Variants in KATNIP observed in about 807,000 individuals in gnomAD.
The protein encoded by KATNIP is katanin-interacting protein.
In KATNIP, 126 loss-of-function variants were observed where a neutral mutation model predicts 174.0. That is an observed-to-expected ratio of 0.72 (90% CI 0.63 to 0.84). The LOEUF (loss-of-function observed/expected upper bound fraction) is 0.84. Among genes scored for constraint, KATNIP ranks in the 40% least tolerant of loss-of-function variants. KATNIP has a pLI of 0.00. For missense variants in KATNIP, 1,958 were observed against 2,109.7 expected (o/e 0.93, Z 1.41); for synonymous variants, 810 against 835.7 (o/e 0.97, Z 0.53).
At chr16:27,726,319 G>A (rs1350661505) in intron 14 of KATNIP, among the ~76,000 whole-genome samples, 1 of 152,170 alleles carries the variant, frequency 6.6e-6, no homozygotes, top group African/African-American at 2.4e-5. Context: ...GGGACCGCTG[G>A]TGTAGGCCAC....
At chr16:27,677,686 G>A in intron 6 of KATNIP, 43 bp from the exon 7 acceptor site, 1 of 1,548,832 alleles carries the variant, frequency 6.5e-7, no homozygotes, top group Non-Finnish European at 8.7e-7. Flanking sequence ...TTTTTCTCAA[G>A]GTACCATATT....
chr16:27,621,431 T>C (rs1034226283), intron 3 of KATNIP, among the ~76,000 whole-genome samples: 7 of 152,148 alleles, frequency 4.6e-5, no homozygotes, highest in African/African-American at 1.2e-4. Context: ...GGTACTTCAC[T>C]TGCAGTGGCC....
At chr16:27,749,168 A>G (rs1172143837) in intron 15 of KATNIP, among the ~76,000 whole-genome samples, 1 of 152,244 alleles carries the variant, frequency 6.6e-6, no homozygotes, top group Non-Finnish European at 1.5e-5. Context: ...TAACACAGCC[A>G]AGTAGTCTTC....
chr16:27,776,145 T>C lies in KATNIP; in HGVS notation c.4450-783T>C, dbSNP rs1296562513. On this transcript the variant is annotated intron_variant, in intron 24 of 27. Coordinates refer to ENST00000261588, the MANE Select transcript of KATNIP (RefSeq NM_015202.5). The surrounding 1 kb of genome is among the most constrained non-coding windows in gnomAD (Gnocchi z 4.7). The stretch of plus-strand genomic sequence containing the variant: ...TTGGAGACCCTCACCCTGACCTTTA[T>C]TGTTTCCATGGTCCAGCCAGGAGGC... 6.6e-6 allele frequency among the ~76,000 whole-genome samples: 1 copy of C among 152,122 alleles called. No individual in the cohort carries two copies. The highest frequency in any genetic ancestry group is 6.5e-5 in the Admixed American group (1 of 15,278).
At chr16:27,614,611 T>C (rs911493728) in intron 2 of KATNIP, among the ~76,000 whole-genome samples, 1 of 152,130 alleles carries the variant, frequency 6.6e-6, no homozygotes, top group Non-Finnish European at 1.5e-5. Context: ...GGCCTTGTTT[T>C]TGTTTTTGTT....
At chr16:27,672,163 T>C (rs1315909647) in intron 6 of KATNIP, among the ~76,000 whole-genome samples, 1 of 152,142 alleles carries the variant, frequency 6.6e-6, no homozygotes, top group Non-Finnish European at 1.5e-5. Flanking sequence ...ATCCACACTC[T>C]TCCCTGAGGC....
At chr16:27,603,380 G>C (rs2075596843) in intron 2 of KATNIP, among the ~76,000 whole-genome samples, 1 of 152,216 alleles carries the variant, frequency 6.6e-6, no homozygotes, top group Non-Finnish European at 1.5e-5. Context: ...CTCAAAGTTA[G>C]CTTGGCACAC....
Position 27,754,203 on chromosome 16 carries a change from C to T in KATNIP, c.3583C>T (p.Pro1195Ser), listed in dbSNP as rs761653171. Residue 1195 changes from proline (P) to serine (S), a missense_variant, in exon 18 of 28, where the codon CCT (proline) becomes TCT (serine). This residue lies in a region of KATNIP where 1,557 missense variants were observed against 1,617.8 expected (regional missense o/e 0.96). Transcript: ENST00000261588. ...GGAGCTAGAGCTCCCATCCAGTTCC[C>T]CTGTCCCCCAAGTCACCACGCCAGA... ...IPELELPSSS[P>S]VPQVTTPEPG... 7 of 1,614,094 alleles carry T rather than the reference C, an allele frequency of 4.3e-6. No homozygotes were observed. In the African/African-American group the frequency reaches 6.7e-5, roughly 15 times the overall value.
At chr16:27,564,592 C>G (rs1169776096) in intron 1 of KATNIP, among the ~76,000 whole-genome samples, 1 of 151,852 alleles carries the variant, frequency 6.6e-6, no homozygotes, top group African/African-American at 2.4e-5. Flanking sequence ...TAAACTGGGC[C>G]CCAGAAGTCA....
chr16:27,740,169 G>A lies in KATNIP; in HGVS notation c.1872G>A (p.Glu624=). ...GCATCCTGGTTGACCAGAAGAACGA[G>A]AAGAGCGAGCAACTAGAGGAGGCCA... The part of the protein sequence containing the change: ...DHSILVDQKN[E]KSEQLEEAMN... The change falls in exon 15 of 28, where the codon GAG becomes GAA. Residue 624 remains glutamate (E), a synonymous_variant. Transcript: ENST00000261588. 5.0e-6 allele frequency: 8 copies of A among 1,614,174 alleles called. No homozygotes were observed. Among genetic ancestry groups the A allele is most frequent in the Non-Finnish European group, 6.8e-6 (8 of 1,180,030 alleles).
chr16:27,608,560 C>T (rs1163850026), intron 2 of KATNIP, among the ~76,000 whole-genome samples: 2 of 151,666 alleles, frequency 1.3e-5, no homozygotes, highest in East Asian at 1.9e-4. Context: ...CTCTGCTGCC[C>T]AGGCTGGAGT....
At chr16:27,641,995 C>G (rs1266703969) in intron 5 of KATNIP, among the ~76,000 whole-genome samples, 1 of 152,242 alleles carries the variant, frequency 6.6e-6, no homozygotes, top group East Asian at 1.9e-4. Context: ...CATCTCTTCC[C>G]CGGCTAGAAG....
intron 18 of KATNIP, chr16:27,757,494 A>T: frequency 1.0e-6 from 1 of 985,278 alleles, no homozygotes. Flanking sequence ...TTCCCCAAAG[A>T]TGCTGCCTGT....
chr16:27,753,832 T>C (rs960454261), intron 17 of KATNIP, among the ~76,000 whole-genome samples: 1 of 147,852 alleles, frequency 6.8e-6, no homozygotes, highest in Non-Finnish European at 1.5e-5. Context: ...CTTCCCTTCC[T>C]CCTCCTTTCC....
intron 2 of KATNIP, among the ~76,000 whole-genome samples, chr16:27,588,994 C>G (rs990876847): frequency 1.4e-5 from 2 of 145,632 alleles, no homozygotes; most frequent in Non-Finnish European, 3.0e-5. Context: ...TCAAGGGATT[C>G]TTGTGCCTCA....
chr16:27,638,125 G>T (rs574622897), intron 5 of KATNIP, among the ~76,000 whole-genome samples: 1 of 152,238 alleles, frequency 6.6e-6, no homozygotes, highest in African/African-American at 2.4e-5. Flanking sequence ...CCTTTCTCAG[G>T]GCATGGCCTG....
chr16:27,624,372 C>T (rs561325329), intron 3 of KATNIP, among the ~76,000 whole-genome samples: 2 of 152,296 alleles, frequency 1.3e-5, no homozygotes, highest in South Asian at 4.2e-4. Context: ...TTCACTTCCT[C>T]ATCTGTGCAG....
At chr16:27,766,501 C>T (rs1282417282) in intron 20 of KATNIP, 27 bp downstream of exon 20, 3 of 1,598,630 alleles carry the variant, frequency 1.9e-6, no homozygotes, top group African/African-American at 1.3e-5. Flanking sequence ...TGGCCGTGCT[C>T]AGTCCAGCAT....
At chr16:27,746,582 G>A (rs2081303339) in intron 15 of KATNIP, among the ~76,000 whole-genome samples, 1 of 152,226 alleles carries the variant, frequency 6.6e-6, no homozygotes, top group Non-Finnish European at 1.5e-5. Context: ...CACACACCAG[G>A]AGCTGTGCTG....
Sources: allele counts gnomAD v4.1 joint callset (sites outside exome capture counted in the v4.1 genomes callset), GRCh38; gene constraint gnomAD v4.1.1; regional missense constraint gnomAD v4.1.1; non-coding constraint Gnocchi (gnomAD v3.1); transcripts MANE v1.5; gene names NCBI Gene and HGNC (gene_info 2026-07-23, HGNC 2026-07-21).